The following ARID1B variants were observed in gnomAD, a reference collection of about 807,000 sequenced individuals.
The protein encoded by ARID1B is AT-rich interaction domain 1B.
Under a neutral mutation model 212.3 loss-of-function variants are expected in ARID1B, and 30 were observed. The observed-to-expected ratio is 0.14, with a 90% CI of 0.11 to 0.19. ARID1B has a LOEUF of 0.19. Ranked by LOEUF, ARID1B falls within the 10% of genes least tolerant of loss-of-function variation. The probability of loss-of-function intolerance (pLI) is 1.00; values close to 1 mark genes in which losing one functional copy is unlikely to be tolerated. For synonymous variants in ARID1B, 1,402 were observed against 1,301.7 expected, an observed-to-expected ratio of 1.08 and a Z score of -1.66; for missense variants, 2,891 against 3,204.0, an observed-to-expected ratio of 0.90 and a Z score of 2.36.
At chr6:156,977,268 A>G (rs868459147) in intron 4 of ARID1B, among the ~76,000 whole-genome samples, 3 of 142,726 alleles carry the variant, frequency 2.1e-5, no homozygotes, top group Middle Eastern at 3.6e-3. Flanking sequence ...TTCTTCAGAT[A>G]TTTATCCTGT....
intron 4 of ARID1B, among the ~76,000 whole-genome samples, chr6:156,995,753 A>G: frequency 6.6e-6 from 1 of 152,228 alleles, no homozygotes; most frequent in East Asian, 1.9e-4. Context: ...GCAGCCTAGT[A>G]ACGTGTTTCA....
intron 2 of ARID1B, among the ~76,000 whole-genome samples, chr6:156,899,965 C>G (rs975142985): frequency 6.6e-6 from 1 of 152,038 alleles, no homozygotes; most frequent in Non-Finnish European, 1.5e-5. Context: ...GGGTGTTGAA[C>G]GGAAGGATGT....
chr6:157,191,361 A>G (rs1385327953), intron 15 of ARID1B, among the ~76,000 whole-genome samples: 1 of 151,902 alleles, frequency 6.6e-6, no homozygotes, highest in Non-Finnish European at 1.5e-5. Flanking sequence ...AGGATTGGAA[A>G]AGGACCGGGC....
At chr6:157,180,242 G>A (rs1169667219) in intron 11 of ARID1B, among the ~76,000 whole-genome samples, 1 of 151,974 alleles carries the variant, frequency 6.6e-6, no homozygotes, top group South Asian at 2.1e-4. Flanking sequence ...GGTAAAAGCA[G>A]GTACATAGAA....
At chr6:156,830,411 G>T (rs1034343264) in intron 2 of ARID1B, among the ~76,000 whole-genome samples, 1 of 152,120 alleles carries the variant, frequency 6.6e-6, no homozygotes, top group South Asian at 2.1e-4. Context: ...TCGTTGAGGG[G>T]CAAAAATTAG....
chr6:157,180,651 A>G (rs185371239), intron 11 of ARID1B, among the ~76,000 whole-genome samples: 16 of 152,338 alleles, frequency 1.1e-4, no homozygotes, highest in African/African-American at 3.8e-4. Flanking sequence ...TAAAAATAAC[A>G]TGAGGTGTCA....
At chr6:157,184,471 G>T in intron 13 of ARID1B, 36 bp downstream of exon 13, 3 of 1,612,154 alleles carry the variant, frequency 1.9e-6, no homozygotes, top group Non-Finnish European at 2.5e-6. Context: ...GCCCAGGAAA[G>T]CCCAGGCGCC....
Position 157,196,172 on chromosome 6 carries a change from A to C in ARID1B, c.4239A>C (p.Gly1413=). 1 of 1,612,316 alleles carries C rather than the reference A, an allele frequency of 6.2e-7. No homozygotes were observed. Among genetic ancestry groups the C allele is most frequent in the South Asian group, 1.1e-5 (1 of 90,554 alleles). The change falls in exon 16 of 20, where the codon GGA becomes GGC. Residue 1413 remains glycine (G), a synonymous_variant. Transcript: ENST00000636930. ...TTATTTAAAATATTGCAGTGCCTGG[A>C]AGCAGCGAGCCCTTTATGACGCAAG... ...DPFGGMRKVP[G]SSEPFMTQGQ... is the part of the protein sequence containing the mutation.
rs748957167 is a variant in ARID1B, at chr6:157,166,610, TA to T, written c.3090-424del. On this transcript the variant is annotated intron_variant, in intron 8 of 19. Coordinates refer to ENST00000636930, the MANE Select transcript of ARID1B (RefSeq NM_001374828.1). ...AAAATTTAGGTCAAAGAAGTTTTTT[TA>T]AAAAACATTCCCACACTGCCCATTT... 31 of 153,136 alleles carry T rather than the reference TA, an allele frequency of 2.0e-4. No homozygotes were observed. The East Asian group carries it at 2.5e-3, about 12-fold the overall frequency. The allele number at this position is 153,136 out of a possible 1,614,324, so 9.5% of individuals were successfully genotyped here.
chr6:157,016,706 G>A (rs972464881), intron 4 of ARID1B, among the ~76,000 whole-genome samples: 1 of 152,200 alleles, frequency 6.6e-6, no homozygotes, highest in Non-Finnish European at 1.5e-5. Flanking sequence ...GCAGGGATGG[G>A]CTCTGCCCAT....
chr6:156,838,910 T>TC (rs908887466), intron 2 of ARID1B, among the ~76,000 whole-genome samples: 4 of 152,136 alleles, frequency 2.6e-5, no homozygotes, highest in Middle Eastern at 3.2e-3. Flanking sequence ...TCCCTTTTTT[T>TC]CAATTAGTAT....
intron 4 of ARID1B, among the ~76,000 whole-genome samples, chr6:157,013,746 T>G (rs1472467608): frequency 6.6e-6 from 1 of 152,212 alleles, no homozygotes; most frequent in East Asian, 1.9e-4. Flanking sequence ...AGAAACTGAT[T>G]GCACTATAGC....
chr6:156,883,933 C>A (rs1787304910), intron 2 of ARID1B, among the ~76,000 whole-genome samples: 1 of 152,148 alleles, frequency 6.6e-6, no homozygotes, highest in Admixed American at 6.5e-5. Flanking sequence ...AGAGGCATTT[C>A]AGGAGCCAGA....
intron 6 of ARID1B, among the ~76,000 whole-genome samples, chr6:157,117,689 C>G (rs1434685231): frequency 6.6e-6 from 1 of 152,178 alleles, no homozygotes; most frequent in African/African-American, 2.4e-5. Flanking sequence ...CACACCCTGT[C>G]AAAGCACAAG....
chr6:157,055,817 C>T (rs909389492), intron 4 of ARID1B, among the ~76,000 whole-genome samples: 2 of 152,096 alleles, frequency 1.3e-5, no homozygotes, highest in African/African-American at 2.4e-5. Flanking sequence ...CAAGCTCACC[C>T]GTTGGCAGAA....
intron 1 of ARID1B, among the ~76,000 whole-genome samples, chr6:156,825,988 G>A (rs1406377361): frequency 1.3e-5 from 2 of 152,180 alleles, no homozygotes; most frequent in African/African-American, 2.4e-5. Flanking sequence ...CAACATACAT[G>A]TTTGTACACT....
chr6:157,124,629 T>C (rs1200317885), intron 6 of ARID1B, among the ~76,000 whole-genome samples: 2 of 152,196 alleles, frequency 1.3e-5, no homozygotes, highest in African/African-American at 2.4e-5. Flanking sequence ...AGTGGATCTT[T>C]CCATGATATG....
rs1484268936 is a variant in ARID1B, at chr6:156,778,093, C to G, written c.413C>G (p.Pro138Arg). 54 of 1,540,374 alleles carry G rather than the reference C, an allele frequency of 3.5e-5. No individual in the cohort carries two copies. Among genetic ancestry groups the G allele is most frequent in the Non-Finnish European group, 4.3e-5 (49 of 1,146,330 alleles). Residue 138 changes from proline (P) to arginine (R), a missense_variant, in exon 1 of 20, where the codon CCG (proline) becomes CGG (arginine). By Grantham distance (103) the Pro-to-Arg change is moderately radical. Around this residue, in one of 7 missense-constraint regions of ARID1B, gnomAD observed 1,643 missense variants for 1,544.0 expected, o/e 1.06. Transcript: ENST00000636930. ...AAASSSSSSG[P>R]GSAMETGLLP... ...GCATCCTCTTCCTCCTCGTCGGGCC[C>G]GGGCTCGGCCATGGAGACGGGGCTG...
chr6:156,778,490 C>A lies in ARID1B; in HGVS notation c.810C>A (p.Asp270Glu). The stretch of plus-strand genomic sequence containing the variant: ...TGAGCAAGCCGGGCGACGAGGACGA[C>A]GCGCCGCCCAAGATGGGGGAGCCGG... ...PLLSKPGDED[D>E]APPKMGEPAG... The change falls in exon 1 of 20, where the codon GAC becomes GAA. Residue 270 changes from aspartate (D) to glutamate (E), a missense_variant. Asp to Glu is a conservative substitution (Grantham distance 45). Coordinates refer to ENST00000636930, the MANE Select transcript of ARID1B (RefSeq NM_001374828.1). 7.8e-7 allele frequency: 1 copy of A among 1,283,568 alleles called. No homozygotes were observed. Among genetic ancestry groups the A allele is most frequent in the Non-Finnish European group, 9.8e-7 (1 of 1,021,534 alleles). The allele number at this position is 1,283,568 out of a possible 1,614,324, so 79.5% of individuals were successfully genotyped here.
Sources: allele counts gnomAD v4.1 joint callset (sites outside exome capture counted in the v4.1 genomes callset), GRCh38; gene constraint gnomAD v4.1.1; regional missense constraint gnomAD v4.1.1; transcripts MANE v1.5; gene names NCBI Gene and HGNC (gene_info 2026-07-23, HGNC 2026-07-21).